Variants in SCN10A observed in about 807,000 individuals in gnomAD.
The protein encoded by SCN10A is sodium channel protein type 10 subunit alpha.
SCN10A carries 162 observed loss-of-function variants against 170.7 expected under a neutral mutation model. The observed-to-expected ratio is 0.95, with a 90% confidence interval of 0.84 to 1.08. The LOEUF (loss-of-function observed/expected upper bound fraction) is 1.08, where lower values mean the gene tolerates loss of function less well. Among genes scored for constraint, SCN10A ranks in the 50% least tolerant of loss-of-function variants. The pLI is 0.00. For missense variants in SCN10A, 2,527 were observed against 2,436.9 expected (o/e 1.04, Z -0.78); for synonymous variants, 985 against 904.6 (o/e 1.09, Z -1.59).
chr3:38,755,445 AC>A (rs77639339), intron 11 of SCN10A, among the ~76,000 whole-genome samples: 13,495 of 151,780 alleles, frequency 0.089, 1,054 homozygotes, highest in African/African-American at 0.19. Flanking sequence ...TTTCCTACAA[AC>A]CGGGGTTCTT....
chr3:38,800,269 G>A (rs971459060), intron 1 of SCN10A, among the ~76,000 whole-genome samples: 2 of 152,172 alleles, frequency 1.3e-5, no homozygotes, highest in Non-Finnish European at 2.9e-5. Context: ...TCCACAGTCT[G>A]GTGCTGAGCT....
intron 12 of SCN10A, among the ~76,000 whole-genome samples, chr3:38,751,344 C>A (rs965801034): frequency 2.5e-4 from 38 of 152,308 alleles, no homozygotes; most frequent in African/African-American, 8.9e-4. Context: ...TTATTCATTC[C>A]CTAAGCCCAG....
chr3:38,726,449 C>T (rs1018448363), intron 17 of SCN10A, among the ~76,000 whole-genome samples, 157 bp downstream of exon 17: 3 of 152,174 alleles, frequency 2.0e-5, no homozygotes, highest in Non-Finnish European at 2.9e-5. Context: ...ACTTTTTCTT[C>T]CAGGCCCTGC....
chr3:38,724,497 A>G lies in SCN10A; in HGVS notation c.3228+677T>C, dbSNP rs1307856054. 3.9e-5 allele frequency among the ~76,000 whole-genome samples: 6 copies of G among 152,348 alleles called. No individual in the cohort carries two copies. The East Asian group carries it at 7.7e-4, about 20-fold the overall frequency. On this transcript the variant is annotated intron_variant, in intron 18 of 27. Transcript: ENST00000449082. The stretch of plus-strand genomic sequence containing the variant: ...CACATTTATTTTTACCTTGTATAAG[A>G]CAATCCTAAACCTCTAATCTTCCAG...
Position 38,713,781 on chromosome 3 carries a change from C to T in SCN10A, c.3804+177G>A, listed in dbSNP as rs370554884. ...ATCTCGGCTCACTACCACCACACCT[C>T]GTGGTGGTAGTGATTTTTGTACTTT... On this transcript the variant is annotated intron_variant, in intron 22 of 27. Transcript: ENST00000449082. Among the ~76,000 whole-genome samples, 70 of 152,114 alleles carry T rather than the reference C, an allele frequency of 4.6e-4. No individual in the cohort carries two copies. In the East Asian group the frequency reaches 0.011, roughly 24 times the overall value.
intron 2 of SCN10A, among the ~76,000 whole-genome samples, chr3:38,793,302 A>C (rs1430316412): frequency 6.6e-6 from 1 of 152,114 alleles, no homozygotes; most frequent in Non-Finnish European, 1.5e-5. Context: ...AAACCCACTA[A>C]AACAGTTTTG....
At chr3:38,795,712 TG>T (rs1463229909) in intron 1 of SCN10A, among the ~76,000 whole-genome samples, 1 of 152,158 alleles carries the variant, frequency 6.6e-6, no homozygotes, top group Non-Finnish European at 1.5e-5. Context: ...CATACATGAT[TG>T]TGAATAATGG....
At chr3:38,803,373 C>A (rs895270170) in intron 1 of SCN10A, among the ~76,000 whole-genome samples, 1 of 152,080 alleles carries the variant, frequency 6.6e-6, no homozygotes, top group Admixed American at 6.5e-5. Flanking sequence ...CAGCACTATT[C>A]ACAATAGCAA....
At position 38,725,247 on chromosome 3, in the gene SCN10A, G is replaced by A. The variant is rs749117765; in HGVS notation, c.3155C>T (p.Thr1052Ile). 6.2e-7 allele frequency: 1 copy of A among 1,606,360 alleles called. No individual in the cohort carries two copies. Among genetic ancestry groups the A allele is most frequent in the South Asian group, 1.1e-5 (1 of 90,170 alleles). The change falls in exon 18 of 28, where the codon ACA becomes ATA. Residue 1052 changes from threonine to isoleucine, a missense_variant. Transcript: ENST00000449082. Reference sequence around the variant, plus strand: ...GGATGGAGCCAGGTCCTCAGAAGATGTTCCAGTGCCTGGGCTCCTGGGTGT... The same window carrying A: ...GGATGGAGCCAGGTCCTCAGAAGATATTCCAGTGCCTGGGCTCCTGGGTGT... ...HLTPRSPGTGTSSEDLAPSLG... is the reference protein window; with the variant it reads ...HLTPRSPGTGISSEDLAPSLG...
intron 25 of SCN10A, among the ~76,000 whole-genome samples, chr3:38,709,142 C>T (rs1356896345): frequency 1.3e-5 from 2 of 152,078 alleles, no homozygotes; most frequent in African/African-American, 4.8e-5. Flanking sequence ...GGATCATATC[C>T]CCCAACAGGT....
At chr3:38,750,305 G>C (rs1277413725) in intron 12 of SCN10A, 121 bp from the exon 13 acceptor site, 1 of 595,584 alleles carries the variant, frequency 1.7e-6, no homozygotes, top group Non-Finnish European at 3.0e-6. Context: ...TACAGATAGA[G>C]ATATGTTCTG....
intron 15 of SCN10A, among the ~76,000 whole-genome samples, chr3:38,737,570 G>A (rs1378533456): frequency 6.6e-6 from 1 of 152,146 alleles, no homozygotes; most frequent in Non-Finnish European, 1.5e-5. Context: ...AGCGTTTCAT[G>A]GCACAGCTGT....
chr3:38,738,380 C>G (rs2063593402), intron 15 of SCN10A, among the ~76,000 whole-genome samples: 1 of 152,156 alleles, frequency 6.6e-6, no homozygotes, highest in African/African-American at 2.4e-5. Flanking sequence ...GGCTCTATGT[C>G]ACTGCACATG....
chr3:38,708,803 G>A (rs1313775303), intron 25 of SCN10A, among the ~76,000 whole-genome samples: 1 of 152,166 alleles, frequency 6.6e-6, no homozygotes, highest in South Asian at 2.1e-4. Context: ...GTTGAGTCAG[G>A]AATGCAAACC....
intron 8 of SCN10A, among the ~76,000 whole-genome samples, chr3:38,760,015 G>T (rs1328770016): frequency 6.6e-6 from 1 of 152,070 alleles, no homozygotes; most frequent in Non-Finnish European, 1.5e-5. Flanking sequence ...AATAAGTATT[G>T]GTTCCTTCCT....
At position 38,728,608 on chromosome 3, in the gene SCN10A, C is replaced by T. The variant is rs2063481496; in HGVS notation, c.2574G>A (p.Met858Ile). ...GEWIENMWAC[M>I]EVGQKSICLI... ...GGCATATGGATTTTTGGCCAACTTC[C>T]ATGCAGGCCCACATGTTCTCAATCC... The change falls in exon 16 of 28, where the codon ATG becomes ATA. Residue 858 changes from methionine (M) to isoleucine (I), a missense_variant. Coordinates refer to ENST00000449082, the MANE Select transcript of SCN10A (RefSeq NM_006514.4). The T allele has an allele frequency of 6.2e-7, 1 of 1,612,184 alleles. No homozygotes were observed.
At chr3:38,806,122 C>CACCAATA (rs1456656866) in intron 1 of SCN10A, among the ~76,000 whole-genome samples, 5 of 152,098 alleles carry the variant, frequency 3.3e-5, no homozygotes, top group African/African-American at 1.2e-4. Context: ...GGCTGAAATG[C>CACCAATA]TGAGAATAGG....
At chr3:38,752,984 T>G (rs1470280347) in intron 11 of SCN10A, among the ~76,000 whole-genome samples, 1 of 152,164 alleles carries the variant, frequency 6.6e-6, no homozygotes, top group Non-Finnish European at 1.5e-5. Context: ...GAAAATTAGG[T>G]AGTACAATTC....
rs1006104400 is a variant in SCN10A at position 38,791,983 on chromosome 3, A to G, written c.389+67T>C. ...AGGGCTCTGTTGCTAACCTCTAAAGAAGGTACTGGACACAGTAGGCAAGGT... is the reference window on the plus strand; with the variant it reads ...AGGGCTCTGTTGCTAACCTCTAAAGGAGGTACTGGACACAGTAGGCAAGGT... On this transcript the variant is annotated intron_variant, in intron 3 of 27. Transcript: ENST00000449082. 37 of 1,566,152 alleles carry G rather than the reference A, an allele frequency of 2.4e-5. 1 individual carries two copies. The Admixed American group carries it at 5.2e-4, about 22-fold the overall frequency.
Sources: gnomAD v4.1 joint callset for allele counts (sites outside exome capture counted in the v4.1 genomes callset) on GRCh38, gnomAD v4.1.1 for gene constraint, MANE v1.5 for transcripts, NCBI Gene and HGNC (gene_info 2026-07-23, HGNC 2026-07-21) for gene names.